The following ARHGEF16 variants were observed in gnomAD, a reference collection of about 807,000 sequenced individuals.
ARHGEF16 encodes Rho guanine nucleotide exchange factor 16, also known as Rho guanine exchange factor (GEF) 16.
A neutral mutation model predicts 74.1 loss-of-function variants in ARHGEF16; 59 were observed. The observed-to-expected ratio is 0.80, with a 90% CI of 0.65 to 0.99. The LOEUF (loss-of-function observed/expected upper bound fraction) is 0.99. ARHGEF16 is among the 50% of genes least tolerant of loss of function. The pLI is 0.00. For missense variants in ARHGEF16, 948 were observed against 986.6 expected (o/e 0.96, Z 0.52); for synonymous variants, 415 against 412.6 (o/e 1.01, Z -0.07).
intron 11 of ARHGEF16, 90 bp downstream of exon 11, chr1:3,478,116 T>A: frequency 6.5e-7 from 1 of 1,547,440 alleles, no homozygotes; most frequent in Non-Finnish European, 8.8e-7. Context: ...GAGTTGGCCC[T>A]GAGCCCCTCT....
At position 3,477,872 on chromosome 1, in the gene ARHGEF16, C is replaced by G. The variant is rs760980509; in HGVS notation, c.1474-3C>G. On this transcript the variant is annotated splice_region_variant and splice_polypyrimidine_tract_variant and intron_variant, in intron 10 of 14. Transcript: ENST00000378378. Reference sequence around the variant, plus strand: ...TCTCCGCCTCCCGGCTCTGTCCCCCCAGTCCCTCCCACTGATCTCTGCCTC... The same window carrying G: ...TCTCCGCCTCCCGGCTCTGTCCCCCGAGTCCCTCCCACTGATCTCTGCCTC... The G allele has an allele frequency of 7.5e-6, 12 of 1,602,994 alleles. No individual in the cohort carries two copies. In the Admixed American group the frequency reaches 8.4e-5, roughly 11 times the overall value.
At chr1:3,460,666 C>T (rs944613728) in intron 1 of ARHGEF16, among the ~76,000 whole-genome samples, 8 of 152,148 alleles carry the variant, frequency 5.3e-5, no homozygotes, top group South Asian at 4.1e-4. Context: ...CTGGGTAAAA[C>T]GCAGACACCC....
chr1:3,479,900 G>C lies in ARHGEF16; in HGVS notation c.1977G>C (p.Leu659=), dbSNP rs1297064651. ...AGCAGGCGGACGTGGTCCTGGTTCTGCAGCAGGAGGATGGTGAGTGCAGGG... is the reference window on the plus strand; with the variant it reads ...AGCAGGCGGACGTGGTCCTGGTTCTCCAGCAGGAGGATGGTGAGTGCAGGG... ...TLQQADVVLV[L]QQEDGWLYGE... Residue 659 remains leucine (L), a synonymous_variant, in exon 14 of 15, where the codon CTG becomes CTC. Coordinates refer to ENST00000378378, the MANE Select transcript of ARHGEF16 (RefSeq NM_014448.4). 6.2e-7 allele frequency: 1 copy of C among 1,612,102 alleles called. No homozygotes were observed. Among genetic ancestry groups the C allele is most frequent in the Non-Finnish European group, 8.5e-7 (1 of 1,179,906 alleles).
At chr1:3,474,569 T>TGC in intron 8 of ARHGEF16, 139 bp from the exon 9 acceptor site, 1 of 735,330 alleles carries the variant, frequency 1.4e-6, no homozygotes, top group Non-Finnish European at 2.4e-6. Context: ...GGGCTGTACG[T>TGC]GCTGTGGGGC....
chr1:3,479,338 C>T (rs997396791), intron 12 of ARHGEF16, among the ~76,000 whole-genome samples, 179 bp from the exon 13 acceptor site: 1 of 152,038 alleles, frequency 6.6e-6, no homozygotes, highest in African/African-American at 2.4e-5. Context: ...ACTCTGTGAC[C>T]TGGGGCTGGG....
At chr1:3,456,424 C>T (rs1039754475) in intron 1 of ARHGEF16, among the ~76,000 whole-genome samples, 1 of 152,202 alleles carries the variant, frequency 6.6e-6, no homozygotes, top group African/African-American at 2.4e-5. Flanking sequence ...CTGTCCTTAG[C>T]ACAGGGGACC....
intron 1 of ARHGEF16, among the ~76,000 whole-genome samples, chr1:3,460,759 G>T (rs962366437): frequency 6.6e-6 from 1 of 152,206 alleles, no homozygotes; most frequent in Non-Finnish European, 1.5e-5. Flanking sequence ...GGGGAGGCCT[G>T]TTGTGTCTGC....
Position 3,480,997 on chromosome 1 carries a change from GC to G in ARHGEF16, c.*413del, listed in dbSNP as rs1320787565. On this transcript the variant is annotated 3_prime_UTR_variant, in exon 15 of 15. Transcript: ENST00000378378. ...CCTACCCCTGAGTGGGACAAGAAGG[GC>G]CCTGAGTGCCCAGGAGTGCCCCACG... 1.0e-5 allele frequency: 2 copies of G among 191,100 alleles called. No individual in the cohort carries two copies. Among genetic ancestry groups the G allele is most frequent in the African/African-American group, 4.7e-5 (2 of 42,748 alleles). 11.8% of individuals were successfully genotyped at this position (191,100 alleles called of 1,614,324 possible). A position where few individuals can be genotyped will look rare whatever the true frequency, so the allele number is the denominator to read the frequency against.
intron 10 of ARHGEF16, among the ~76,000 whole-genome samples, chr1:3,477,660 C>CG (rs5772105): frequency 0.91 from 138,688 of 151,780 alleles, 63,555 homozygotes; most frequent in South Asian, 0.97. Context: ...GGGTCTGGTC[C>CG]GGCCTGGCGC....
At chr1:3,478,266 C>A in intron 11 of ARHGEF16, 158 bp from the exon 12 acceptor site, 1 of 958,588 alleles carries the variant, frequency 1.0e-6, no homozygotes, top group Non-Finnish European at 1.6e-6. Flanking sequence ...GACTCGAAAG[C>A]CATGGCCTCT....
chr1:3,462,277 G>A (rs150903430), intron 1 of ARHGEF16, among the ~76,000 whole-genome samples: 209 of 152,336 alleles, frequency 1.4e-3, no homozygotes, highest in African/African-American at 5.0e-3. Context: ...TGGGGCTCCT[G>A]AGACCAGAAT....
Position 3,478,308 on chromosome 1 carries a change from G to A in ARHGEF16, c.1626-116G>A, listed in dbSNP as rs41315286. The A allele has an allele frequency of 4.5e-3, 5,385 of 1,194,844 alleles. 23 individuals carry two copies. The highest frequency in any genetic ancestry group is 5.9e-3 in the Non-Finnish European group (4,933 of 841,328). The allele number at this position is 1,194,844 out of a possible 1,614,324, so 74.0% of individuals were successfully genotyped here. A position where few individuals can be genotyped will look rare whatever the true frequency, so the allele number is the denominator to read the frequency against. Reference sequence around the variant, plus strand: ...TGGGACGCGGGAACTCTTGGAGCCCGTCCGTGGCTGCCTCCCCACCACTGC... The same window carrying A: ...TGGGACGCGGGAACTCTTGGAGCCCATCCGTGGCTGCCTCCCCACCACTGC... On this transcript the variant is annotated intron_variant, in intron 11 of 14. Coordinates refer to ENST00000378378, the MANE Select transcript of ARHGEF16 (RefSeq NM_014448.4).
chr1:3,480,809 T>C lies in ARHGEF16; in HGVS notation c.*222T>C. 1.6e-6 allele frequency: 1 copy of C among 636,168 alleles called. No individual in the cohort carries two copies. The highest frequency in any genetic ancestry group is 2.1e-5 in the South Asian group (1 of 48,200). 39.4% of individuals were successfully genotyped at this position (636,168 alleles called of 1,614,324 possible). Reference sequence around the variant, plus strand: ...AGGCAAGCTCGAGGGGGCCACACCGTGTCCCAGGGAGCCCAGCCTATTCCC... The same window carrying C: ...AGGCAAGCTCGAGGGGGCCACACCGCGTCCCAGGGAGCCCAGCCTATTCCC... On this transcript the variant is annotated 3_prime_UTR_variant, in exon 15 of 15. Transcript: ENST00000378378.
chr1:3,469,311 TGG>T, intron 5 of ARHGEF16, 120 bp from the exon 6 acceptor site: 1 of 1,156,136 alleles, frequency 8.6e-7, no homozygotes, highest in Non-Finnish European at 1.2e-6. Context: ...GGGGTGTGTC[TGG>T]GGTTCCTGTC....
intron 1 of ARHGEF16, among the ~76,000 whole-genome samples, chr1:3,456,940 C>T (rs1171643058): frequency 6.6e-6 from 1 of 152,238 alleles, no homozygotes; most frequent in East Asian, 1.9e-4. Flanking sequence ...CAGGGTGGCT[C>T]TCTGCTTAGC....
At chr1:3,472,994 G>A (rs1356000496) in intron 6 of ARHGEF16, 84 bp from the exon 7 acceptor site, 5 of 1,444,706 alleles carry the variant, frequency 3.5e-6, no homozygotes, top group South Asian at 1.3e-5. Flanking sequence ...GTGTGAGTGT[G>A]CATGCAGATG....
intron 7 of ARHGEF16, 66 bp from the exon 8 acceptor site, chr1:3,473,327 G>A (rs1001380267): frequency 1.9e-6 from 3 of 1,578,680 alleles, no homozygotes; most frequent in African/African-American, 1.3e-5. Context: ...GCTTCTGCAG[G>A]TCCTGCCTGA....
At position 3,463,553 on chromosome 1, in the gene ARHGEF16, G is replaced by T. The variant is rs1180177270; in HGVS notation, c.469G>T (p.Ala157Ser). 49 of 1,458,078 alleles carry T rather than the reference G, an allele frequency of 3.4e-5. No homozygotes were observed. The highest frequency in any genetic ancestry group is 4.4e-5 in the Non-Finnish European group (49 of 1,101,656). 90.3% of individuals were successfully genotyped at this position (1,458,078 alleles called of 1,614,324 possible). A position where few individuals can be genotyped will look rare whatever the true frequency, so the allele number is the denominator to read the frequency against. The stretch of plus-strand genomic sequence containing the variant: ...CCTGCGGAACCAATCCTACCGGGCG[G>T]CCATGAAGGGCCTGGGGAAGCCAGG... ...RNLRNQSYRA[A>S]MKGLGKPGGQ... The change falls in exon 2 of 15, where the codon GCC becomes TCC. Residue 157 changes from alanine to serine, a missense_variant. Ala to Ser is a moderately conservative substitution (Grantham distance 99). Coordinates refer to ENST00000378378, the MANE Select transcript of ARHGEF16 (RefSeq NM_014448.4).
chr1:3,474,845 CCCCACCCTA>C, intron 9 of ARHGEF16, 63 bp downstream of exon 9: 1 of 1,401,616 alleles, frequency 7.1e-7, no homozygotes, highest in African/African-American at 1.5e-5. Context: ...CCCCACCCAA[CCCCACCCTA>C]CCCGATGGCA....
Sources: allele counts gnomAD v4.1 joint callset (sites outside exome capture counted in the v4.1 genomes callset), GRCh38; gene constraint gnomAD v4.1.1; transcripts MANE v1.5; gene names NCBI Gene and HGNC (gene_info 2026-07-23, HGNC 2026-07-21).